DNAH7: variants seen among roughly 807,000 people sequenced by gnomAD.
DNAH7 encodes the protein dynein axonemal heavy chain 7.
In DNAH7, 397 loss-of-function variants were observed where a neutral mutation model predicts 444.6. The observed-to-expected ratio is 0.89, with a 90% CI of 0.82 to 0.97. The LOEUF (loss-of-function observed/expected upper bound fraction) is 0.97. Among genes scored for constraint, DNAH7 ranks in the 50% least tolerant of loss-of-function variants. The probability of loss-of-function intolerance (pLI) is 0.00; values close to 1 mark genes in which losing one functional copy is unlikely to be tolerated. For synonymous variants in DNAH7, 1,636 were observed against 1,624.4 expected, an observed-to-expected ratio of 1.01 and a Z score of -0.17; for missense variants, 4,902 against 4,800.8, an observed-to-expected ratio of 1.02 and a Z score of -0.62.
intron 19 of DNAH7, among the ~76,000 whole-genome samples, chr2:195,951,889 G>C (rs1690284174): frequency 6.6e-6 from 1 of 152,086 alleles, no homozygotes; most frequent in Admixed American, 6.6e-5. Context: ...TATCCAATGT[G>C]ACAGTCTGTG....
rs1698179267 is a variant in DNAH7, at chr2:195,833,657, T to G, written c.9100+549A>C. Among the ~76,000 whole-genome samples the G allele has an allele frequency of 2.0e-5, 3 of 152,140 alleles. No individual in the cohort carries two copies. The South Asian group carries it at 6.2e-4, about 32-fold the overall frequency. On this transcript the variant is annotated intron_variant, in intron 48 of 64. Coordinates refer to ENST00000312428, the MANE Select transcript of DNAH7 (RefSeq NM_018897.3). ...ATAAATGTGATATCTACATAAGAGC[T>G]GTATTGAAAAATCTTTGTCATGTTT...
chr2:196,051,722 GCA>G, intron 2 of DNAH7, among the ~76,000 whole-genome samples: 1 of 151,868 alleles, frequency 6.6e-6, no homozygotes, highest in Admixed American at 6.6e-5. Context: ...AGCAGAGATC[GCA>G]CCACTGCACT....
intron 53 of DNAH7, among the ~76,000 whole-genome samples, chr2:195,807,318 A>G (rs1039647634): frequency 2.0e-5 from 3 of 151,984 alleles, no homozygotes; most frequent in African/African-American, 7.2e-5. Flanking sequence ...CACCATACCC[A>G]GCTAACTTTT....
chr2:196,030,997 T>C (rs1005465507), intron 5 of DNAH7, among the ~76,000 whole-genome samples: 2 of 152,150 alleles, frequency 1.3e-5, no homozygotes, highest in Non-Finnish European at 2.9e-5. Flanking sequence ...GGACTCTGAG[T>C]GGGGGCTCTG....
At position 195,897,778 on chromosome 2, in the gene DNAH7, A is replaced by C. The variant is rs754079090; in HGVS notation, c.4549-13T>G. On this transcript the variant is annotated splice_polypyrimidine_tract_variant and intron_variant, in intron 28 of 64. Transcript: ENST00000312428. ...TTGGATATTTCAGCTAAAAAAAAAA[A>C]AAAAAACTCATGAGGATATCTGCAT... 3.9e-6 allele frequency: 6 copies of C among 1,520,496 alleles called. No homozygotes were observed. Among genetic ancestry groups the C allele is most frequent in the African/African-American group, 2.8e-5 (2 of 71,412 alleles). 94.2% of individuals were successfully genotyped at this position (1,520,496 alleles called of 1,614,324 possible).
intron 17 of DNAH7, among the ~76,000 whole-genome samples, chr2:195,961,655 C>T (rs1250833261): frequency 6.6e-6 from 1 of 152,106 alleles, no homozygotes; most frequent in Non-Finnish European, 1.5e-5. Context: ...TGTCTGGTTA[C>T]ATTAGTTAAA....
chr2:195,864,018 A>G (rs1700171421), intron 41 of DNAH7, 131 bp downstream of exon 41: 1 of 795,604 alleles, frequency 1.3e-6, no homozygotes, highest in South Asian at 1.9e-5. Flanking sequence ...TTCATAAGAT[A>G]TAACTGATCA....
chr2:195,987,069 G>C lies in DNAH7; in HGVS notation c.1751C>G (p.Thr584Arg). The C allele has an allele frequency of 2.5e-6, 4 of 1,590,588 alleles. No individual in the cohort carries two copies. The highest frequency in any genetic ancestry group is 2.6e-6 in the Non-Finnish European group (3 of 1,173,568). The change falls in exon 14 of 65, where the codon ACA becomes AGA. Residue 584 changes from threonine to arginine, a missense_variant. Transcript: ENST00000312428. ...KMFRDHQEVN[T>R]RLCDEFERIA... ...AAAACCAGTATCACATAAATACCTTGTATTTACTTCCTGATGATCTCTGAA... is the reference window on the plus strand; with the variant it reads ...AAAACCAGTATCACATAAATACCTTCTATTTACTTCCTGATGATCTCTGAA...
At chr2:195,842,886 T>C (rs1698770634) in intron 47 of DNAH7, among the ~76,000 whole-genome samples, 2 of 152,170 alleles carry the variant, frequency 1.3e-5, no homozygotes, top group South Asian at 4.1e-4. Flanking sequence ...TGATGGTGGA[T>C]ACAGTGGTTA....
At chr2:195,753,102 G>A (rs1693882736) in intron 63 of DNAH7, among the ~76,000 whole-genome samples, 1 of 152,130 alleles carries the variant, frequency 6.6e-6, no homozygotes, top group Non-Finnish European at 1.5e-5. Flanking sequence ...GAAAGAGAGG[G>A]CACAATTAAA....
chr2:196,023,277 C>T (rs1695487850), intron 8 of DNAH7, among the ~76,000 whole-genome samples: 1 of 151,894 alleles, frequency 6.6e-6, no homozygotes, highest in African/African-American at 2.4e-5. Flanking sequence ...TGATTGTAAG[C>T]TTCCCAAGGC....
At chr2:195,961,333 C>A (rs1691090157) in intron 17 of DNAH7, among the ~76,000 whole-genome samples, 2 of 151,616 alleles carry the variant, frequency 1.3e-5, no homozygotes, top group Admixed American at 6.6e-5. Flanking sequence ...ACAATAGATA[C>A]CTAAACGTAT....
intron 16 of DNAH7, 152 bp downstream of exon 16, chr2:195,972,090 G>C (rs762593776): frequency 1.0e-4 from 67 of 645,162 alleles, no homozygotes; most frequent in Non-Finnish European, 1.7e-4. Context: ...ATATATTACT[G>C]TCTCCCACTA....
intron 5 of DNAH7, among the ~76,000 whole-genome samples, chr2:196,031,504 T>C (rs560454659): frequency 1.3e-5 from 2 of 152,332 alleles, no homozygotes; most frequent in South Asian, 2.1e-4. Context: ...AGATTTTTTT[T>C]CCTATCGTAT....
chr2:196,019,373 A>G (rs1695230321), intron 8 of DNAH7, 78 bp from the exon 9 acceptor site: 21 of 1,175,094 alleles, frequency 1.8e-5, no homozygotes, highest in Non-Finnish European at 2.3e-5. Context: ...GGTAATAATT[A>G]TTTAATTTTA....
intron 29 of DNAH7, among the ~76,000 whole-genome samples, chr2:195,895,924 G>C (rs781270302): frequency 6.6e-6 from 1 of 151,824 alleles, no homozygotes; most frequent in South Asian, 2.1e-4. Flanking sequence ...ATATTCCACC[G>C]TAACAAAGTG....
chr2:195,957,371 G>A lies in DNAH7; in HGVS notation c.2968C>T (p.Leu990=). The change falls in exon 19 of 65, where the codon CTG becomes TTG. Residue 990 remains leucine (L), a synonymous_variant. Transcript: ENST00000312428. ...TCTGGAGAGCTGAAAATGGGCTCCA[G>A]ATACAGCCACGTGGCTTGGACTTTG... ...WLKVQATWLY[L]EPIFSSPDIM... is the part of the protein sequence containing the mutation. The A allele has an allele frequency of 1.8e-5, 29 of 1,606,698 alleles. No individual in the cohort carries two copies. The highest frequency in any genetic ancestry group is 2.5e-5 in the Non-Finnish European group (29 of 1,175,028).
chr2:196,048,214 C>G (rs914080270), intron 4 of DNAH7, 82 bp downstream of exon 4: 1 of 1,255,968 alleles, frequency 8.0e-7, no homozygotes, highest in African/African-American at 1.5e-5. Flanking sequence ...TTTTGTACTT[C>G]TATTACACTA....
chr2:195,907,775 T>C (rs1283138794), intron 25 of DNAH7, among the ~76,000 whole-genome samples: 1 of 152,186 alleles, frequency 6.6e-6, no homozygotes, highest in Non-Finnish European at 1.5e-5. Context: ...GCAGCTGACC[T>C]TGGATTTTTA....
Sources: allele counts gnomAD v4.1 joint callset (sites outside exome capture counted in the v4.1 genomes callset), GRCh38; gene constraint gnomAD v4.1.1; transcripts MANE v1.5; gene names NCBI Gene and HGNC (gene_info 2026-07-23, HGNC 2026-07-21).